Variants in C19orf47 observed in about 807,000 individuals in gnomAD.
The protein encoded by C19orf47 is uncharacterized protein C19orf47.
In C19orf47, 18 loss-of-function variants were observed where a neutral mutation model predicts 32.3. That is an observed-to-expected ratio of 0.56 (90% CI 0.39 to 0.83). C19orf47 has a LOEUF of 0.83. Ranked by LOEUF, C19orf47 falls within the 40% of genes least tolerant of loss-of-function variation. The probability of loss-of-function intolerance (pLI) is 0.00; values close to 1 mark genes in which losing one functional copy is unlikely to be tolerated. For synonymous variants in C19orf47, 202 were observed against 211.1 expected, an observed-to-expected ratio of 0.96 and a Z score of 0.37; for missense variants, 484 against 531.6, an observed-to-expected ratio of 0.91 and a Z score of 0.88.
chr19:40,347,624 AAG>A (rs2145638994), intron 1 of C19orf47, among the ~76,000 whole-genome samples: 1 of 152,312 alleles, frequency 6.6e-6, no homozygotes, highest in South Asian at 2.1e-4. Context: ...TATCAAGAAA[AAG>A]AAAAAAACTA....
chr19:40,306,851 C>T, the C19orf47 span, among the ~76,000 whole-genome samples: 1 of 140,146 alleles, frequency 7.1e-6, no homozygotes, highest in African/African-American at 2.7e-5. Context: ...TGCAGTGGTG[C>T]GATCTCGGCT....
chr19:40,313,993 G>A, the C19orf47 span, among the ~76,000 whole-genome samples: 2 of 151,970 alleles, frequency 1.3e-5, no homozygotes, highest in Non-Finnish European at 2.9e-5. Flanking sequence ...CACATCTCAT[G>A]CCTAGATCTT....
chr19:40,340,235 A>T (rs1275124589), intron 2 of C19orf47, among the ~76,000 whole-genome samples: 1 of 152,128 alleles, frequency 6.6e-6, no homozygotes, highest in Non-Finnish European at 1.5e-5. Context: ...CACCTATGTA[A>T]TCAGCACCCA....
downstream of C19orf47, among the ~76,000 whole-genome samples, chr19:40,317,465 T>TG (rs753998752): frequency 3.7e-4 from 55 of 150,468 alleles, no homozygotes; most frequent in Non-Finnish European, 6.9e-4. Flanking sequence ...ATAGAATCAG[T>TG]GAAAAAAAAA....
At chr19:40,316,910 G>A (rs143321241), downstream of C19orf47, among the ~76,000 whole-genome samples, 13 of 151,914 alleles carry the variant, frequency 8.6e-5, no homozygotes, top group African/African-American at 2.9e-4. Context: ...ACTAAGACAC[G>A]TGTATGCTTG....
At chr19:40,345,792 T>C (rs1387064792) in intron 1 of C19orf47, among the ~76,000 whole-genome samples, 7 of 132,018 alleles carry the variant, frequency 5.3e-5, no homozygotes, top group Non-Finnish European at 1.1e-4. Context: ...GAGGTTGCAG[T>C]GAGCCAAGAT....
intron 5 of C19orf47, among the ~76,000 whole-genome samples, chr19:40,329,925 T>C (rs2077913976): frequency 1.3e-5 from 2 of 152,280 alleles, no homozygotes; most frequent in South Asian, 2.1e-4. Flanking sequence ...CAGAGGGAAA[T>C]CTGCAGCTGA....
At chr19:40,338,533 C>T (rs1288585346) in intron 2 of C19orf47, among the ~76,000 whole-genome samples, 4 of 152,012 alleles carry the variant, frequency 2.6e-5, no homozygotes, top group Non-Finnish European at 4.4e-5. Flanking sequence ...TACAGCCACG[C>T]GCCACCATGA....
intron 5 of C19orf47, 142 bp downstream of exon 5, chr19:40,333,709 C>T: frequency 1.6e-6 from 1 of 616,078 alleles, no homozygotes; most frequent in Non-Finnish European, 2.7e-6. Context: ...TATTTTTTCC[C>T]CTAAAAGAAG....
At chr19:40,307,627 G>C in the C19orf47 span, among the ~76,000 whole-genome samples, 3 of 152,244 alleles carry the variant, frequency 2.0e-5, no homozygotes, top group East Asian at 5.8e-4. Context: ...CAATCCACCT[G>C]CCTCTGTCTC....
At chr19:40,331,300 A>G (rs767591027) in intron 5 of C19orf47, among the ~76,000 whole-genome samples, 9 of 152,244 alleles carry the variant, frequency 5.9e-5, no homozygotes, top group African/African-American at 1.2e-4. Context: ...AGCCAGCTAG[A>G]TAATTATGGA....
At chr19:40,295,878 G>A in the C19orf47 span, among the ~76,000 whole-genome samples, 2 of 151,972 alleles carry the variant, frequency 1.3e-5, no homozygotes, top group Non-Finnish European at 2.9e-5. Flanking sequence ...TCCCGAGTAG[G>A]TGGGACTACA....
chr19:40,300,438 C>G, the C19orf47 span, among the ~76,000 whole-genome samples: 1 of 151,830 alleles, frequency 6.6e-6, no homozygotes, highest in Non-Finnish European at 1.5e-5. Flanking sequence ...GCATTCCAGC[C>G]TGGGCGACAC....
Position 40,341,853 on chromosome 19 carries a change from A to T in C19orf47, c.5T>A (p.Val2Asp). 6.5e-7 allele frequency: 1 copy of T among 1,536,170 alleles called. No homozygotes were observed. The highest frequency in any genetic ancestry group is 8.7e-7 in the Non-Finnish European group (1 of 1,146,914). Residue 2 changes from valine to aspartate, a missense_variant, in exon 2 of 9, where the codon GTC becomes GAC. Val to Asp is a radical substitution (Grantham distance 152). Around this residue, in one of 3 missense-constraint regions of C19orf47, gnomAD observed 57 missense variants for 86.9 expected, o/e 0.66. Transcript: ENST00000683109. ...CACAGACTCACCCATAGTCACGGAG[A>T]CCATCGTCTCCCTGGCCCTGACACT... The part of the protein sequence containing the change: M[V>D]SVTMATSEWI...
chr19:40,305,449 G>T, the C19orf47 span, among the ~76,000 whole-genome samples: 1 of 151,956 alleles, frequency 6.6e-6, no homozygotes, highest in South Asian at 2.1e-4. Context: ...TCTTTTTCAA[G>T]AAGAGAAAAA....
chr19:40,309,989 A>G, the C19orf47 span, among the ~76,000 whole-genome samples: 1 of 152,176 alleles, frequency 6.6e-6, no homozygotes, highest in African/African-American at 2.4e-5. Context: ...TAGAATTATC[A>G]TATGACCCAA....
chr19:40,300,944 A>G, the C19orf47 span, among the ~76,000 whole-genome samples: 34 of 152,242 alleles, frequency 2.2e-4, no homozygotes, highest in African/African-American at 7.9e-4. Context: ...TTAAGGCCAG[A>G]AGCTCGAGAC....
intron 5 of C19orf47, among the ~76,000 whole-genome samples, chr19:40,330,197 T>C (rs913798183): frequency 7.2e-5 from 11 of 152,086 alleles, no homozygotes; most frequent in African/African-American, 2.7e-4. Context: ...CTTCTCTTTT[T>C]ATTTATTTAT....
At chr19:40,303,227 TA>T in the C19orf47 span, among the ~76,000 whole-genome samples, 122 of 130,072 alleles carry the variant, frequency 9.4e-4, no homozygotes, top group Admixed American at 8.5e-4. Context: ...AAACTCCATC[TA>T]AAAAAAAAAA....
Sources: gnomAD v4.1 joint callset for allele counts (sites outside exome capture counted in the v4.1 genomes callset) on GRCh38, gnomAD v4.1.1 for gene constraint, gnomAD v4.1.1 regional missense constraint, MANE v1.5 for transcripts, NCBI Gene and HGNC (gene_info 2026-07-23, HGNC 2026-07-21) for gene names.